ATXN7: variants seen among roughly 807,000 people sequenced by gnomAD.
ATXN7 encodes the protein ataxin-7.
A neutral mutation model predicts 70.5 loss-of-function variants in ATXN7; 12 were observed. The observed-to-expected ratio is 0.17, with a 90% confidence interval of 0.11 to 0.28. The LOEUF is 0.28. Ranked by LOEUF, ATXN7 falls within the 10% of genes least tolerant of loss-of-function variation. The pLI is 1.00. For synonymous variants in ATXN7, 498 were observed against 448.7 expected (o/e 1.11, Z -1.39); for missense variants, 1,256 against 1,131.7 (o/e 1.11, Z -1.58).
At chr3:63,986,289 T>C (rs1332035304) in intron 8 of ATXN7, among the ~76,000 whole-genome samples, 2 of 152,222 alleles carry the variant, frequency 1.3e-5, no homozygotes, top group Admixed American at 6.5e-5. Flanking sequence ...AGCCTAGTTA[T>C]GCAGTCAGTC....
At chr3:63,938,869 C>T (rs952247571) in intron 4 of ATXN7, among the ~76,000 whole-genome samples, 10 of 152,292 alleles carry the variant, frequency 6.6e-5, no homozygotes, top group Non-Finnish European at 1.5e-4. Flanking sequence ...TAGTTCACTT[C>T]AGTGTAAGCA....
rs116631758 is a variant in ATXN7, at chr3:63,994,253, G to C, written c.1683-1252G>C. ...TTTTTGTTTGTTTTGTTTTGTTTTT[G>C]AAACAGGGCCTCACTCAGTCACCGA... is the stretch of plus-strand genomic sequence containing the variant. On this transcript the variant is annotated intron_variant, in intron 11 of 12. Coordinates refer to ENST00000674280, the MANE Select transcript of ATXN7 (RefSeq NM_001377405.1). 7.5e-3 allele frequency among the ~76,000 whole-genome samples: 1,135 copies of C among 152,162 alleles called. 14 individuals are homozygous for C. The highest frequency in any genetic ancestry group is 0.026 in the African/African-American group (1,085 of 41,508).
At chr3:63,919,561 G>C (rs1245056311) in intron 4 of ATXN7, among the ~76,000 whole-genome samples, 2 of 152,132 alleles carry the variant, frequency 1.3e-5, no homozygotes. Context: ...TTTCACATAA[G>C]AAGGTTGCTG....
chr3:63,912,838 G>A lies in ATXN7; in HGVS notation c.240G>A (p.Glu80=), dbSNP rs757472878. ...CCGCCGCAATGGCGACGGTCGGGGA[G>A]CGCAGGCCTCTGCCCAGTCCTGAAG... The part of the protein sequence containing the change: ...TSAAAMATVG[E]RRPLPSPEVM... The change falls in exon 3 of 13, where the codon GAG becomes GAA. Residue 80 remains glutamate, a synonymous_variant. Coordinates refer to ENST00000674280, the MANE Select transcript of ATXN7 (RefSeq NM_001377405.1). The A allele has an allele frequency of 5.6e-6, 9 of 1,606,870 alleles. No homozygotes were observed. In the East Asian group the frequency reaches 1.8e-4, roughly 33 times the overall value.
chr3:63,969,385 T>C (rs985306208), intron 5 of ATXN7, among the ~76,000 whole-genome samples: 2 of 152,192 alleles, frequency 1.3e-5, no homozygotes, highest in Non-Finnish European at 2.9e-5. Flanking sequence ...GTTTTGTCAT[T>C]TCGTTGTACC....
intron 11 of ATXN7, among the ~76,000 whole-genome samples, chr3:63,992,727 A>C (rs1054482243): frequency 6.6e-6 from 1 of 152,148 alleles, no homozygotes; most frequent in African/African-American, 2.4e-5. Flanking sequence ...GGAGAAGGAA[A>C]CCAACCCTTT....
intron 5 of ATXN7, among the ~76,000 whole-genome samples, chr3:63,970,737 G>C (rs1172700731): frequency 1.3e-5 from 2 of 152,134 alleles, no homozygotes; most frequent in Non-Finnish European, 2.9e-5. Flanking sequence ...ATTCACGCCT[G>C]TCCCTTCCCC....
chr3:63,956,549 T>G (rs142183739), intron 5 of ATXN7, among the ~76,000 whole-genome samples: 1,623 of 151,918 alleles, frequency 0.011, 23 homozygotes, highest in African/African-American at 0.035. Context: ...GCTTTCTAAG[T>G]GAGCAGCTTC....
chr3:63,998,584 G>A lies in ATXN7; in HGVS notation c.2662-866G>A, dbSNP rs975301122. Reference sequence around the variant, plus strand: ...AAAATCAGTTTCCACTTAAGTTTGTGTTTGAGAGAGATTTTCTCTGTGCAG... The same window carrying A: ...AAAATCAGTTTCCACTTAAGTTTGTATTTGAGAGAGATTTTCTCTGTGCAG... On this transcript the variant is annotated intron_variant, in intron 12 of 12. Coordinates refer to ENST00000674280, the MANE Select transcript of ATXN7 (RefSeq NM_001377405.1). 1.8e-5 allele frequency: 18 copies of A among 985,306 alleles called. No homozygotes were observed. The African/African-American group carries it at 3.1e-4, about 17-fold the overall frequency. The allele number at this position is 985,306 out of a possible 1,614,324, so 61.0% of individuals were successfully genotyped here.
At chr3:63,977,114 G>T (rs953810902) in intron 5 of ATXN7, among the ~76,000 whole-genome samples, 5 of 152,140 alleles carry the variant, frequency 3.3e-5, no homozygotes, top group African/African-American at 1.2e-4. Flanking sequence ...AGTTTGAGGG[G>T]TTGTGCATTT....
At chr3:63,986,966 A>AG (rs2075587835) in intron 8 of ATXN7, among the ~76,000 whole-genome samples, 1 of 152,284 alleles carries the variant, frequency 6.6e-6, no homozygotes, top group South Asian at 2.1e-4. Flanking sequence ...ATATGTGATT[A>AG]GGGGCCACTG....
intron 8 of ATXN7, 58 bp from the exon 9 acceptor site, chr3:63,988,001 A>C: frequency 2.5e-6 from 4 of 1,598,986 alleles, no homozygotes; most frequent in Non-Finnish European, 3.4e-6. Context: ...TTGGGATATA[A>C]GGCAGACCAA....
intron 5 of ATXN7, among the ~76,000 whole-genome samples, chr3:63,954,192 A>T (rs533315745): frequency 3.3e-5 from 5 of 152,232 alleles, no homozygotes; most frequent in Non-Finnish European, 5.9e-5. Flanking sequence ...AATACAGACA[A>T]TATTTTGGAA....
chr3:63,992,174 G>T (rs2106792275), intron 11 of ATXN7, among the ~76,000 whole-genome samples: 1 of 152,326 alleles, frequency 6.6e-6, no homozygotes, highest in Middle Eastern at 3.4e-3. Context: ...CTAGTCGGAG[G>T]CCTTGGATTG....
intron 4 of ATXN7, among the ~76,000 whole-genome samples, chr3:63,946,305 G>A (rs574988491): frequency 6.6e-6 from 1 of 152,186 alleles, no homozygotes; most frequent in Non-Finnish European, 1.5e-5. Context: ...AAAGAGCAGA[G>A]AGAAGAGCTT....
intron 4 of ATXN7, among the ~76,000 whole-genome samples, chr3:63,924,373 A>G (rs1704623766): frequency 6.6e-6 from 1 of 152,072 alleles, no homozygotes. Flanking sequence ...TGGGGTGGAG[A>G]CTGGGTCAGT....
At chr3:63,899,070 T>TC (rs931793625) in intron 2 of ATXN7, among the ~76,000 whole-genome samples, 2 of 151,374 alleles carry the variant, frequency 1.3e-5, no homozygotes. Flanking sequence ...TCTTTTTTTT[T>TC]TTCTTTTTTT....
chr3:63,917,960 C>G (rs1021301635), intron 4 of ATXN7, among the ~76,000 whole-genome samples: 9 of 152,192 alleles, frequency 5.9e-5, no homozygotes, highest in African/African-American at 2.2e-4. Flanking sequence ...TTGCTCTGTC[C>G]TTAATATAGT....
At chr3:63,922,966 A>G (rs1704564116) in intron 4 of ATXN7, among the ~76,000 whole-genome samples, 1 of 152,212 alleles carries the variant, frequency 6.6e-6, no homozygotes. Flanking sequence ...GGCAAATCAC[A>G]CTCGATCAAG....
Sources: gnomAD v4.1 joint callset for allele counts (sites outside exome capture counted in the v4.1 genomes callset) on GRCh38, gnomAD v4.1.1 for gene constraint, MANE v1.5 for transcripts, NCBI Gene and HGNC (gene_info 2026-07-23, HGNC 2026-07-21) for gene names.